Variants in EPHA3 observed in about 807,000 individuals in gnomAD.
EPHA3 encodes ephrin type-A receptor 3.
In EPHA3, 42 loss-of-function variants were observed where a neutral mutation model predicts 107.1. That is an observed-to-expected ratio of 0.39 (90% CI 0.31 to 0.51). EPHA3 has a LOEUF of 0.51. EPHA3 is among the 20% of genes least tolerant of loss of function. The pLI is 0.78. For synonymous variants in EPHA3, 461 were observed against 424.8 expected, an observed-to-expected ratio of 1.09 and a Z score of -1.05; for missense variants, 1,183 against 1,211.2, an observed-to-expected ratio of 0.98 and a Z score of 0.35.
Position 89,479,659 on chromosome 3 carries a change from ACT to A in EPHA3, c.*160_*161del. ...AAATGCCTTAAAATGGAATTGAAAAACTCTTTATTTTCCCCTATCATTTATTG... is the reference window on the plus strand; with the variant it reads ...AAATGCCTTAAAATGGAATTGAAAAACTTTATTTTCCCCTATCATTTATTG... On this transcript the variant is annotated 3_prime_UTR_variant, in exon 17 of 17. Coordinates refer to ENST00000336596, the MANE Select transcript of EPHA3 (RefSeq NM_005233.6). 1 of 520,580 alleles carries A rather than the reference ACT, an allele frequency of 1.9e-6. No individual in the cohort carries two copies. The highest frequency in any genetic ancestry group is 3.2e-5 in the East Asian group (1 of 31,628). 32.2% of individuals were successfully genotyped at this position (520,580 alleles called of 1,614,324 possible). A position where few individuals can be genotyped will look rare whatever the true frequency, so the allele number is the denominator to read the frequency against.
At position 89,395,943 on chromosome 3, in the gene EPHA3, G is replaced by A. The variant is rs1708842249; in HGVS notation, c.1413G>A (p.Glu471=). The A allele has an allele frequency of 1.2e-6, 2 of 1,613,828 alleles. No individual in the cohort carries two copies. Among genetic ancestry groups the A allele is most frequent in the Non-Finnish European group, 1.7e-6 (2 of 1,179,874 alleles). ...CTAATGGGATCATATTGGACTACGA[G>A]GTCAAATACTATGAAAAGGTGGGGA... The part of the protein sequence containing the change: ...EHPNGIILDY[E]VKYYEKQEQE... The change falls in exon 6 of 17, where the codon GAG becomes GAA. Residue 471 remains glutamate, a synonymous_variant. Coordinates refer to ENST00000336596, the MANE Select transcript of EPHA3 (RefSeq NM_005233.6).
At chr3:89,326,671 T>C (rs1254649375) in intron 3 of EPHA3, among the ~76,000 whole-genome samples, 1 of 151,538 alleles carries the variant, frequency 6.6e-6, no homozygotes, top group African/African-American at 2.4e-5. Flanking sequence ...ATTTCAGGAG[T>C]GAGCCACTGC....
At chr3:89,391,996 G>T (rs966588504) in intron 5 of EPHA3, among the ~76,000 whole-genome samples, 1 of 151,950 alleles carries the variant, frequency 6.6e-6, no homozygotes, top group African/African-American at 2.4e-5. Context: ...CTTTTTACCA[G>T]TTTCTTCATT....
At chr3:89,134,267 T>C (rs1194334975) in intron 2 of EPHA3, among the ~76,000 whole-genome samples, 1 of 151,870 alleles carries the variant, frequency 6.6e-6, no homozygotes, top group Non-Finnish European at 1.5e-5. Flanking sequence ...GAGCACAACG[T>C]GCAGGTTTGT....
chr3:89,281,015 AT>A lies in EPHA3; in HGVS notation c.815-59898del, dbSNP rs1384307252. Among the ~76,000 whole-genome samples, 5 of 145,292 alleles carry A rather than the reference AT, an allele frequency of 3.4e-5. No homozygotes were observed. In the East Asian group the frequency reaches 9.8e-4, roughly 28 times the overall value. On this transcript the variant is annotated intron_variant, in intron 3 of 16. Transcript: ENST00000336596. ...CTTACAAGATTTTTATTATTTATTT[AT>A]TTATTTATTTATTTATTTATTTATT... is the stretch of plus-strand genomic sequence containing the variant.
At chr3:89,246,929 T>C (rs1705047583) in intron 3 of EPHA3, among the ~76,000 whole-genome samples, 1 of 152,200 alleles carries the variant, frequency 6.6e-6, no homozygotes, top group Admixed American at 6.5e-5. Flanking sequence ...CCTTGAGTTC[T>C]TACTGATGCT....
intron 11 of EPHA3, 139 bp from the exon 12 acceptor site, chr3:89,428,967 T>C: frequency 2.1e-6 from 1 of 486,896 alleles, no homozygotes; most frequent in African/African-American, 2.0e-5. Context: ...CTAGGGCTTT[T>C]TAAAATTTTT....
chr3:89,147,745 G>A (rs556124729), intron 2 of EPHA3, among the ~76,000 whole-genome samples: 1 of 151,848 alleles, frequency 6.6e-6, no homozygotes, highest in East Asian at 1.9e-4. Context: ...TTTTGGTCTA[G>A]AAGTATAATA....
At chr3:89,293,000 C>G (rs995138940) in intron 3 of EPHA3, among the ~76,000 whole-genome samples, 1 of 152,148 alleles carries the variant, frequency 6.6e-6, no homozygotes, top group South Asian at 2.1e-4. Context: ...ATCTTCACCA[C>G]CCCTTTGTAT....
intron 2 of EPHA3, among the ~76,000 whole-genome samples, chr3:89,163,704 T>G (rs1332818469): frequency 6.6e-6 from 1 of 152,124 alleles, no homozygotes; most frequent in Non-Finnish European, 1.5e-5. Flanking sequence ...CAGACAAGAT[T>G]GTGAGCTGTG....
chr3:89,111,693 C>A (rs186529563), intron 1 of EPHA3, among the ~76,000 whole-genome samples: 1 of 152,088 alleles, frequency 6.6e-6, no homozygotes. Flanking sequence ...TTGAATGTCC[C>A]GTAAAGAAAC....
chr3:89,398,668 T>C, intron 6 of EPHA3, among the ~76,000 whole-genome samples: 1 of 152,222 alleles, frequency 6.6e-6, no homozygotes, highest in East Asian at 1.9e-4. Context: ...TGTAAGTTTG[T>C]TATTGGAATT....
chr3:89,179,218 G>A (rs1705384013), intron 2 of EPHA3, among the ~76,000 whole-genome samples: 2 of 152,032 alleles, frequency 1.3e-5, no homozygotes, highest in South Asian at 4.1e-4. Context: ...TTATTTGGAA[G>A]ACTAATTAAT....
chr3:89,282,960 T>C lies in EPHA3; in HGVS notation c.815-57956T>C, dbSNP rs1705984965. 2.6e-5 allele frequency among the ~76,000 whole-genome samples: 4 copies of C among 152,264 alleles called. No homozygotes were observed. In the South Asian group the frequency reaches 8.3e-4, roughly 32 times the overall value. On this transcript the variant is annotated intron_variant, in intron 3 of 16. Coordinates refer to ENST00000336596, the MANE Select transcript of EPHA3 (RefSeq NM_005233.6). ...GTATTAATCCTTGTGTTGTACAATC[T>C]TTGTTGTACTAATCTTTGTATAAAT... is the stretch of plus-strand genomic sequence containing the variant.
At chr3:89,164,099 A>G (rs1705007263) in intron 2 of EPHA3, among the ~76,000 whole-genome samples, 3 of 152,198 alleles carry the variant, frequency 2.0e-5, no homozygotes, top group Admixed American at 1.3e-4. Context: ...AGCGTTTCAG[A>G]CATAAAGGAG....
chr3:89,179,556 A>C (rs1039238039), intron 2 of EPHA3, among the ~76,000 whole-genome samples: 4 of 151,814 alleles, frequency 2.6e-5, no homozygotes, highest in African/African-American at 9.7e-5. Context: ...GCTTAGATTG[A>C]GGTCACTGTT....
At chr3:89,393,237 T>A (rs1708780719) in intron 5 of EPHA3, among the ~76,000 whole-genome samples, 1 of 152,164 alleles carries the variant, frequency 6.6e-6, no homozygotes, top group African/African-American at 2.4e-5. Context: ...TCTACTTAAG[T>A]AAGTGTGGAA....
intron 2 of EPHA3, among the ~76,000 whole-genome samples, chr3:89,180,198 T>C (rs1175056059): frequency 6.6e-6 from 1 of 152,030 alleles, no homozygotes; most frequent in Non-Finnish European, 1.5e-5. Flanking sequence ...CATTAATTTT[T>C]TTTTCATGAA....
chr3:89,134,708 G>A (rs1704277178), intron 2 of EPHA3, among the ~76,000 whole-genome samples: 1 of 152,012 alleles, frequency 6.6e-6, no homozygotes, highest in African/African-American at 2.4e-5. Context: ...CATCTTCAAG[G>A]CCCTTGTCTC....
Sources: gnomAD v4.1 joint callset for allele counts (sites outside exome capture counted in the v4.1 genomes callset) on GRCh38, gnomAD v4.1.1 for gene constraint, MANE v1.5 for transcripts, NCBI Gene and HGNC (gene_info 2026-07-23, HGNC 2026-07-21) for gene names.